Variants in FLT1 observed in about 807,000 individuals in gnomAD.
The protein encoded by FLT1 is vascular endothelial growth factor receptor 1.
FLT1 carries 49 observed loss-of-function variants against 156.3 expected under a neutral mutation model. That is an observed-to-expected ratio of 0.31 (90% CI 0.25 to 0.40). The LOEUF (loss-of-function observed/expected upper bound fraction) is 0.40. Among genes scored for constraint, FLT1 ranks in the 10% least tolerant of loss-of-function variants. The pLI, the probability that FLT1 is intolerant of heterozygous loss-of-function variation, is 1.00. For missense variants in FLT1, 1,322 were observed against 1,637.2 expected, an observed-to-expected ratio of 0.81 and a Z score of 3.32; for synonymous variants, 594 against 583.8, an observed-to-expected ratio of 1.02 and a Z score of -0.25.
At chr13:28,441,452 C>T (rs1392364571) in intron 3 of FLT1, among the ~76,000 whole-genome samples, 4 of 152,222 alleles carry the variant, frequency 2.6e-5, no homozygotes, top group Non-Finnish European at 4.4e-5. Flanking sequence ...CTCTGCCTTA[C>T]ACCTACTAAT....
At chr13:28,477,520 G>C (rs188764373) in intron 1 of FLT1, among the ~76,000 whole-genome samples, 182 of 152,310 alleles carry the variant, frequency 1.2e-3, no homozygotes, top group African/African-American at 4.3e-3. Context: ...TCAAGATCTG[G>C]TTGACAGGGC....
At chr13:28,416,389 TTAA>T (rs1876649127) in intron 10 of FLT1, among the ~76,000 whole-genome samples, 1 of 152,236 alleles carries the variant, frequency 6.6e-6, no homozygotes, top group African/African-American at 2.4e-5. Flanking sequence ...ATGACTCATT[TTAA>T]TGTCTAAGTA....
intron 1 of FLT1, among the ~76,000 whole-genome samples, chr13:28,471,296 T>C (rs1165677418): frequency 6.6e-6 from 1 of 152,194 alleles, no homozygotes; most frequent in Non-Finnish European, 1.5e-5. Flanking sequence ...CTTCAGTTAA[T>C]AGGAAACTAG....
chr13:28,384,619 C>T (rs1874244477), intron 14 of FLT1, among the ~76,000 whole-genome samples: 1 of 152,188 alleles, frequency 6.6e-6, no homozygotes, highest in African/African-American at 2.4e-5. Context: ...TGGCTCTTCT[C>T]ATTTCTTTCT....
chr13:28,458,364 T>C (rs1879383718), intron 3 of FLT1, among the ~76,000 whole-genome samples: 1 of 152,224 alleles, frequency 6.6e-6, no homozygotes, highest in African/African-American at 2.4e-5. Context: ...TGATGATGTA[T>C]AACTGCGTCG....
intron 12 of FLT1, among the ~76,000 whole-genome samples, chr13:28,391,637 T>C (rs868816430): frequency 1.3e-5 from 2 of 152,230 alleles, no homozygotes; most frequent in Middle Eastern, 3.2e-3. Context: ...CCTGAGGCTG[T>C]GTCACAGACA....
chr13:28,326,298 A>G (rs1308962259), intron 20 of FLT1, among the ~76,000 whole-genome samples: 9 of 152,220 alleles, frequency 5.9e-5, no homozygotes, highest in Non-Finnish European at 1.3e-4. Context: ...CATGAGAAGT[A>G]GAGACAGGAT....
chr13:28,356,089 G>A (rs1872888646), intron 15 of FLT1, among the ~76,000 whole-genome samples: 1 of 152,200 alleles, frequency 6.6e-6, no homozygotes, highest in Admixed American at 6.5e-5. Flanking sequence ...GCAGTCATGG[G>A]GTGAGGGGAG....
intron 3 of FLT1, among the ~76,000 whole-genome samples, chr13:28,441,985 C>T (rs1878357551): frequency 6.6e-6 from 1 of 152,088 alleles, no homozygotes; most frequent in Non-Finnish European, 1.5e-5. Flanking sequence ...ATTTGATTTA[C>T]CTGAGTTTCA....
chr13:28,329,815 A>T lies in FLT1; in HGVS notation c.2594-87T>A, dbSNP rs1175351026. 2.2e-5 allele frequency: 24 copies of T among 1,080,080 alleles called. 1 individual carries two copies. Among genetic ancestry groups the T allele is most frequent in the Non-Finnish European group, 3.1e-5 (22 of 716,244 alleles). The allele number at this position is 1,080,080 out of a possible 1,614,324, so 66.9% of individuals were successfully genotyped here. A position where few individuals can be genotyped will look rare whatever the true frequency, so the allele number is the denominator to read the frequency against. On this transcript the variant is annotated intron_variant, in intron 18 of 29. Coordinates refer to ENST00000282397, the MANE Select transcript of FLT1 (RefSeq NM_002019.4). Reference sequence around the variant, plus strand: ...GGCATTCTTGCCCTCCTTGTTTGTCAATGCTCAGCCGGTTGCTTCACTAAC... The same window carrying T: ...GGCATTCTTGCCCTCCTTGTTTGTCTATGCTCAGCCGGTTGCTTCACTAAC...
chr13:28,381,600 T>C (rs1474633237), intron 14 of FLT1, among the ~76,000 whole-genome samples: 1 of 152,092 alleles, frequency 6.6e-6, no homozygotes, highest in Non-Finnish European at 1.5e-5. Context: ...AAAAACTTAG[T>C]ACAGTTTACC....
Position 28,480,132 on chromosome 13 carries a change from C to T in FLT1, c.65-12515G>A, listed in dbSNP as rs573491951. ...AATCCCAGGAGTCTGGGAACTCCAT[C>T]CTCATTTAGCTATGCTTCTTATCTC... is the stretch of plus-strand genomic sequence containing the variant. On this transcript the variant is annotated intron_variant, in intron 1 of 29. Coordinates refer to ENST00000282397, the MANE Select transcript of FLT1 (RefSeq NM_002019.4). Among the ~76,000 whole-genome samples the T allele has an allele frequency of 1.6e-4, 24 of 152,286 alleles. 1 individual carries two copies. In the South Asian group the frequency reaches 5.0e-3, roughly 32 times the overall value.
Position 28,322,359 on chromosome 13 carries a change from T to C in FLT1, c.2954A>G (p.Asp985Gly). 5 of 1,602,494 alleles carry C rather than the reference T, an allele frequency of 3.1e-6. No individual in the cohort carries two copies. The highest frequency in any genetic ancestry group is 4.3e-6 in the Non-Finnish European group (5 of 1,169,472). Residue 985 changes from aspartate to glycine, a missense_variant and splice_region_variant, in exon 22 of 30, where the codon GAT becomes GGT. Coordinates refer to ENST00000282397, the MANE Select transcript of FLT1 (RefSeq NM_002019.4). This position sits in a 1 kb window ranked among gnomAD's most constrained non-coding sequence, Gnocchi z 4.3. ...GGGCTCCTTGTAGAAACCGTCAGAA[T>C]CTGGAAAGCATTAGAACCGTAACTG... is the stretch of plus-strand genomic sequence containing the variant. ...KSLSDVEEEE[D>G]SDGFYKEPIT...
intron 24 of FLT1, 149 bp from the exon 25 acceptor site, chr13:28,317,746 T>G (rs1239154764): frequency 5.8e-6 from 4 of 686,390 alleles, no homozygotes; most frequent in Non-Finnish European, 5.3e-6. Context: ...CAACATACCG[T>G]ACAACACACA....
At chr13:28,483,595 AAAG>A (rs1232728243) in intron 1 of FLT1, among the ~76,000 whole-genome samples, 1 of 152,200 alleles carries the variant, frequency 6.6e-6, no homozygotes, top group Non-Finnish European at 1.5e-5. Context: ...ACAGGTCAAG[AAAG>A]AAGAAGGAAA....
intron 13 of FLT1, chr13:28,388,938 C>G: frequency 9.4e-7 from 1 of 1,064,672 alleles, no homozygotes; most frequent in Non-Finnish European, 1.1e-6. Flanking sequence ...TCAGAGACAG[C>G]AAGGAGCAAA....
chr13:28,374,639 G>A (rs957205178), intron 14 of FLT1, among the ~76,000 whole-genome samples: 2 of 151,602 alleles, frequency 1.3e-5, no homozygotes, highest in African/African-American at 4.8e-5. Flanking sequence ...AGCCTCCCGA[G>A]TAGCTGCGAC....
intron 3 of FLT1, among the ~76,000 whole-genome samples, chr13:28,451,073 TA>T (rs1878906225): frequency 6.6e-6 from 1 of 152,198 alleles, no homozygotes; most frequent in African/African-American, 2.4e-5. Context: ...ACCCTCTGCT[TA>T]GCTCTCTGCT....
chr13:28,322,494 G>GT lies in FLT1; in HGVS notation c.2954-136dup. ...AGAGTTCATTTTTAAGAGTATTTGAGTTTCAACATGAACACCAGAGATTTT... is the reference window on the plus strand; with the variant it reads ...AGAGTTCATTTTTAAGAGTATTTGAGTTTTCAACATGAACACCAGAGATTTT... On this transcript the variant is annotated intron_variant, in intron 21 of 29. Transcript: ENST00000282397. The surrounding 1 kb of genome is among the most constrained non-coding windows in gnomAD (Gnocchi z 4.3). 1.3e-6 allele frequency: 1 copy of GT among 746,016 alleles called. No homozygotes were observed. The allele number at this position is 746,016 out of a possible 1,614,324, so 46.2% of individuals were successfully genotyped here.
Sources: gnomAD v4.1 joint callset for allele counts (sites outside exome capture counted in the v4.1 genomes callset) on GRCh38, gnomAD v4.1.1 for gene constraint, Gnocchi (gnomAD v3.1) non-coding constraint, MANE v1.5 for transcripts, NCBI Gene and HGNC (gene_info 2026-07-23, HGNC 2026-07-21) for gene names.